Variants in PITPNM2 observed in about 807,000 individuals in gnomAD.
The protein encoded by PITPNM2 is phosphatidylinositol transfer protein membrane associated 2.
PITPNM2 carries 35 observed loss-of-function variants against 132.2 expected under a neutral mutation model. That is an observed-to-expected ratio of 0.26 (90% CI 0.20 to 0.35). PITPNM2 has a LOEUF of 0.35. Among genes scored for constraint, PITPNM2 ranks in the 10% least tolerant of loss-of-function variants. PITPNM2 has a pLI of 1.00. For synonymous variants in PITPNM2, 738 were observed against 799.2 expected (o/e 0.92, Z 1.29); for missense variants, 1,332 against 1,912.0 (o/e 0.70, Z 5.66).
intron 3 of PITPNM2, among the ~76,000 whole-genome samples, chr12:123,027,718 C>A (rs969518009): frequency 5.9e-5 from 9 of 152,320 alleles, no homozygotes; most frequent in Middle Eastern, 3.4e-3. Flanking sequence ...CTGTATAGCA[C>A]TTTGGTGTTT....
At chr12:123,067,763 GC>G (rs1326510377) in intron 2 of PITPNM2, among the ~76,000 whole-genome samples, 2 of 152,188 alleles carry the variant, frequency 1.3e-5, no homozygotes, top group Admixed American at 1.3e-4. Context: ...TGTGACGGCA[GC>G]CCCAGGAAAC....
chr12:123,121,791 C>T (rs956240383), intron 1 of PITPNM2, among the ~76,000 whole-genome samples: 2 of 151,944 alleles, frequency 1.3e-5, no homozygotes, highest in Admixed American at 6.6e-5. Flanking sequence ...GCAATCCTCC[C>T]GCCTCTGCCT....
chr12:122,987,241 A>C (rs780407678), intron 23 of PITPNM2, 40 bp downstream of exon 23: 1 of 1,602,496 alleles, frequency 6.2e-7, no homozygotes, highest in Non-Finnish European at 8.5e-7. Context: ...GAGCCCACCC[A>C]CCTTGCTACA....
chr12:123,055,452 G>A (rs1396453125), intron 2 of PITPNM2, among the ~76,000 whole-genome samples: 2 of 152,208 alleles, frequency 1.3e-5, no homozygotes, highest in Non-Finnish European at 2.9e-5. Flanking sequence ...AGCAGTATAC[G>A]CCACCAGCTC....
intron 2 of PITPNM2, among the ~76,000 whole-genome samples, chr12:123,079,153 C>T (rs2041878068): frequency 6.6e-6 from 1 of 152,026 alleles, no homozygotes; most frequent in East Asian, 1.9e-4. Flanking sequence ...AGCACAGTAG[C>T]AGCATCCTCC....
At chr12:123,034,448 TGTG>T (rs2040203327) in intron 3 of PITPNM2, 62 bp downstream of exon 3, 1 of 1,463,330 alleles carries the variant, frequency 6.8e-7, no homozygotes, top group Middle Eastern at 2.2e-4. Context: ...CTAACCCACA[TGTG>T]GTGTCTGTGC....
chr12:123,095,561 C>T lies in PITPNM2; in HGVS notation c.-96+14824G>A, dbSNP rs1036304201. On this transcript the variant is annotated intron_variant, in intron 2 of 25. Transcript: ENST00000320201. This position sits in a 1 kb window ranked among gnomAD's most constrained non-coding sequence, Gnocchi z 5.0. ...AGATGAAGTGAGACGAAGTGTCTTC[C>T]AATACACACATCGGAGTGTGTCACT... 3.3e-5 allele frequency among the ~76,000 whole-genome samples: 5 copies of T among 152,140 alleles called. No individual in the cohort carries two copies.
chr12:123,081,313 G>A (rs2041955821), intron 2 of PITPNM2: 1 of 152,306 alleles, frequency 6.6e-6, no homozygotes, highest in African/African-American at 2.4e-5. Flanking sequence ...GGAACTGCAG[G>A]CCTCTCCTCT....
intron 2 of PITPNM2, chr12:123,092,908 T>C (rs2042308781): frequency 6.6e-6 from 1 of 152,242 alleles, no homozygotes; most frequent in Admixed American, 6.5e-5. Context: ...ACTTCTGTAT[T>C]GTCCTCTGAC....
chr12:123,005,176 G>A lies in PITPNM2; in HGVS notation c.952+64C>T. ...TCTGAGGAGGTGCAGTGATCCAGCA[G>A]TGTGTGGGGCTGCCTTGAGGGGAGG... On this transcript the variant is annotated intron_variant, in intron 7 of 25. Transcript: ENST00000320201. This position sits in a 1 kb window ranked among gnomAD's most constrained non-coding sequence, Gnocchi z 6.2. 6.5e-7 allele frequency: 1 copy of A among 1,533,714 alleles called. No individual in the cohort carries two copies. Among genetic ancestry groups the A allele is most frequent in the East Asian group, 2.3e-5 (1 of 44,342 alleles).
chr12:123,149,066 C>CCT (rs1414488585), intron 1 of PITPNM2, among the ~76,000 whole-genome samples: 1 of 152,124 alleles, frequency 6.6e-6, no homozygotes, highest in Non-Finnish European at 1.5e-5. Context: ...CTTAGATACG[C>CCT]AGAGGAATTC....
chr12:122,988,376 G>C lies in PITPNM2; in HGVS notation c.2881-26C>G, dbSNP rs1331698523. On this transcript the variant is annotated intron_variant, in intron 19 of 25. Transcript: ENST00000320201. ...CTGGGAAGAGGGGACAGTGCAGGCT[G>C]TGGGGCAGATGCCACCCGGGGGCTT... is the stretch of plus-strand genomic sequence containing the variant. 2.5e-6 allele frequency: 4 copies of C among 1,599,982 alleles called. No individual in the cohort carries two copies. The African/African-American group carries it at 4.0e-5, about 16-fold the overall frequency.
intron 2 of PITPNM2, among the ~76,000 whole-genome samples, chr12:123,085,733 C>T (rs988973446): frequency 2.0e-5 from 3 of 152,210 alleles, no homozygotes; most frequent in African/African-American, 7.2e-5. Flanking sequence ...CAAAATGCAA[C>T]TTGAAGATAC....
intron 14 of PITPNM2, 139 bp downstream of exon 14, chr12:122,995,250 C>T: frequency 2.3e-6 from 3 of 1,304,044 alleles, no homozygotes; most frequent in Non-Finnish European, 3.1e-6. Context: ...TGGGCCCAGA[C>T]TGGGATTCCA....
At chr12:123,076,829 G>A (rs1251021039) in intron 2 of PITPNM2, among the ~76,000 whole-genome samples, 22 of 152,168 alleles carry the variant, frequency 1.4e-4, no homozygotes, top group Non-Finnish European at 4.4e-5. Context: ...TAACTTCTAA[G>A]AACTGGGTGC....
intron 6 of PITPNM2, among the ~76,000 whole-genome samples, chr12:123,007,632 T>C (rs2136215033): frequency 6.6e-6 from 1 of 152,206 alleles, no homozygotes; most frequent in South Asian, 2.1e-4. Context: ...TGGGATGGAG[T>C]CCTGTGTCCC....
chr12:123,001,290 C>A, intron 8 of PITPNM2, 132 bp from the exon 9 acceptor site: 1 of 656,800 alleles, frequency 1.5e-6, no homozygotes, highest in Non-Finnish European at 2.8e-6. Flanking sequence ...AGCCCCACAC[C>A]TTGGGCATCT....
At chr12:123,100,528 A>G (rs1022403269) in intron 2 of PITPNM2, among the ~76,000 whole-genome samples, 7 of 152,154 alleles carry the variant, frequency 4.6e-5, no homozygotes, top group African/African-American at 1.7e-4. Context: ...CAGGAGGCTA[A>G]GGCAGCAGAA....
chr12:122,988,947 C>A, intron 18 of PITPNM2, 75 bp from the exon 19 acceptor site: 1 of 1,438,076 alleles, frequency 7.0e-7, no homozygotes, highest in Admixed American at 2.7e-5. Context: ...CCCGGCCCCT[C>A]TGGCCTGCTC....
Sources: gnomAD v4.1 joint callset for allele counts (sites outside exome capture counted in the v4.1 genomes callset) on GRCh38, gnomAD v4.1.1 for gene constraint, Gnocchi (gnomAD v3.1) non-coding constraint, MANE v1.5 for transcripts, NCBI Gene and HGNC (gene_info 2026-07-23, HGNC 2026-07-21) for gene names.